VTI1A: variants seen among roughly 807,000 people sequenced by gnomAD.
VTI1A encodes vesicle transport through interaction with t-SNAREs 1A, also known as vesicle transport through interaction with t-SNAREs homolog 1A.
VTI1A carries 22 observed loss-of-function variants against 34.9 expected under a neutral mutation model. That is an observed-to-expected ratio of 0.63 (90% CI 0.45 to 0.90). The LOEUF (loss-of-function observed/expected upper bound fraction) is 0.90, where lower values mean the gene tolerates loss of function less well. VTI1A is among the 40% of genes least tolerant of loss of function. The probability of loss-of-function intolerance (pLI) is 0.00; values close to 1 mark genes in which losing one functional copy is unlikely to be tolerated. For synonymous variants in VTI1A, 87 were observed against 97.3 expected (o/e 0.89, Z 0.62); for missense variants, 268 against 275.6 (o/e 0.97, Z 0.20).
intron 7 of VTI1A, among the ~76,000 whole-genome samples, chr10:112,702,002 T>A (rs1165744123): frequency 2.0e-5 from 3 of 151,668 alleles, no homozygotes; most frequent in Non-Finnish European, 4.4e-5. Context: ...TGTGTGAGAG[T>A]TTTCATTTCA....
intron 5 of VTI1A, among the ~76,000 whole-genome samples, chr10:112,595,745 T>G (rs1390264521): frequency 2.7e-5 from 4 of 150,126 alleles, no homozygotes; most frequent in East Asian, 3.9e-4. Context: ...ATTGTGGAAG[T>G]CAGTGTGGCG....
At chr10:112,624,531 C>T (rs753011509) in intron 5 of VTI1A, among the ~76,000 whole-genome samples, 1 of 151,930 alleles carries the variant, frequency 6.6e-6, no homozygotes, top group African/African-American at 2.4e-5. Flanking sequence ...TTTTAATATA[C>T]ATTTTCATTT....
At chr10:112,681,373 G>T (rs1339302639) in intron 7 of VTI1A, among the ~76,000 whole-genome samples, 3 of 152,104 alleles carry the variant, frequency 2.0e-5, no homozygotes, top group African/African-American at 7.2e-5. Context: ...GAACCACTGT[G>T]CCCAGCCAGG....
the VTI1A span, among the ~76,000 whole-genome samples, chr10:112,838,534 A>T: frequency 1.3e-5 from 2 of 152,152 alleles, no homozygotes; most frequent in African/African-American, 4.8e-5. Context: ...CCAGTATTTT[A>T]TTGAAAGCAT....
chr10:112,724,993 A>G (rs1259818231), intron 7 of VTI1A, among the ~76,000 whole-genome samples: 1 of 152,186 alleles, frequency 6.6e-6, no homozygotes, highest in Non-Finnish European at 1.5e-5. Flanking sequence ...TTTTACCTGT[A>G]AATATTTCAG....
At chr10:112,605,257 G>A (rs1189137639) in intron 5 of VTI1A, among the ~76,000 whole-genome samples, 1 of 152,076 alleles carries the variant, frequency 6.6e-6, no homozygotes, top group African/African-American at 2.4e-5. Flanking sequence ...GTGTCCCCTT[G>A]CCTTCCTTTC....
intron 5 of VTI1A, among the ~76,000 whole-genome samples, chr10:112,610,704 C>A (rs1845265941): frequency 6.6e-6 from 1 of 152,262 alleles, no homozygotes; most frequent in African/African-American, 2.4e-5. Context: ...ATCACGAGGT[C>A]AGGAGATTGA....
At chr10:112,746,346 G>A (rs1376418682) in intron 7 of VTI1A, among the ~76,000 whole-genome samples, 1 of 152,188 alleles carries the variant, frequency 6.6e-6, no homozygotes, top group African/African-American at 2.4e-5. Flanking sequence ...TCACAGTTCA[G>A]AAATGGTGGG....
chr10:112,530,604 C>A (rs1410337935), intron 4 of VTI1A, among the ~76,000 whole-genome samples: 1 of 152,074 alleles, frequency 6.6e-6, no homozygotes, highest in Non-Finnish European at 1.5e-5. Flanking sequence ...ATAGAAGATT[C>A]AAAATATAAA....
intron 7 of VTI1A, among the ~76,000 whole-genome samples, chr10:112,684,198 A>T (rs1848319888): frequency 1.3e-5 from 2 of 152,192 alleles, no homozygotes; most frequent in African/African-American, 4.8e-5. Flanking sequence ...CAACATATAA[A>T]ACTTTATATC....
Position 112,702,925 on chromosome 10 carries a change from G to A in VTI1A, c.560+33927G>A, listed in dbSNP as rs193167357. Among the ~76,000 whole-genome samples the A allele has an allele frequency of 9.4e-3, 1,434 of 152,190 alleles. 18 individuals carry two copies. Among genetic ancestry groups the A allele is most frequent in the Non-Finnish European group, 0.012 (793 of 68,004 alleles). On this transcript the variant is annotated intron_variant, in intron 7 of 7. Transcript: ENST00000393077. ...AACCTCAATAAATTATATTACTTTA[G>A]TAGGTACCTGGGTACTCTCTAGTAT... is the stretch of plus-strand genomic sequence containing the variant.
chr10:112,771,055 A>G (rs1343194039), intron 7 of VTI1A, among the ~76,000 whole-genome samples: 1 of 151,974 alleles, frequency 6.6e-6, no homozygotes, highest in African/African-American at 2.4e-5. Flanking sequence ...ACCCAAGGAG[A>G]GGATGGCTTG....
chr10:112,679,488 G>A (rs917859387), intron 7 of VTI1A, among the ~76,000 whole-genome samples: 2 of 151,788 alleles, frequency 1.3e-5, no homozygotes, highest in African/African-American at 4.8e-5. Context: ...GATAGGAGGT[G>A]TCACGATTTT....
chr10:112,740,565 G>C (rs550518581), intron 7 of VTI1A, among the ~76,000 whole-genome samples: 1 of 152,244 alleles, frequency 6.6e-6, no homozygotes, highest in African/African-American at 2.4e-5. Context: ...GATTACAGGC[G>C]TGTGCCACGA....
intron 5 of VTI1A, among the ~76,000 whole-genome samples, chr10:112,548,170 C>T (rs770503464): frequency 5.9e-5 from 9 of 152,124 alleles, no homozygotes; most frequent in African/African-American, 1.2e-4. Flanking sequence ...GCAACTTTAT[C>T]GCCTTCTGTC....
intron 7 of VTI1A, among the ~76,000 whole-genome samples, chr10:112,803,203 G>T (rs1319299308): frequency 1.3e-5 from 2 of 152,144 alleles, no homozygotes; most frequent in East Asian, 3.9e-4. Context: ...CAAGTAGCTG[G>T]GATTACAGGT....
Position 112,529,766 on chromosome 10 carries a change from A to T in VTI1A, c.342+2602A>T, listed in dbSNP as rs140661623. 4.6e-3 allele frequency among the ~76,000 whole-genome samples: 693 copies of T among 152,200 alleles called. 10 individuals carry two copies. Among genetic ancestry groups the T allele is most frequent in the African/African-American group, 0.016 (668 of 41,554 alleles). On this transcript the variant is annotated intron_variant, in intron 4 of 7. Transcript: ENST00000393077. ...GTTTAAAAATATAGATCAAAATAGGAAAATAAGGAATTAATAGCAATGATT... is the reference window on the plus strand; with the variant it reads ...GTTTAAAAATATAGATCAAAATAGGTAAATAAGGAATTAATAGCAATGATT...
intron 5 of VTI1A, among the ~76,000 whole-genome samples, chr10:112,565,022 A>G (rs933121783): frequency 6.6e-6 from 1 of 152,122 alleles, no homozygotes; most frequent in Admixed American, 6.5e-5. Flanking sequence ...CGTAAAATGA[A>G]ACAGCTCCCC....
intron 7 of VTI1A, among the ~76,000 whole-genome samples, chr10:112,707,199 A>G (rs1849229798): frequency 1.3e-5 from 2 of 151,986 alleles, no homozygotes; most frequent in South Asian, 4.2e-4. Context: ...TCATTTTGTC[A>G]CCTAGGCTGG....
Sources: allele counts gnomAD v4.1 joint callset (sites outside exome capture counted in the v4.1 genomes callset), GRCh38; gene constraint gnomAD v4.1.1; transcripts MANE v1.5; gene names NCBI Gene and HGNC (gene_info 2026-07-23, HGNC 2026-07-21).